The following GPR176 variants were observed in gnomAD, a reference collection of about 807,000 sequenced individuals.
GPR176 encodes the protein G-protein coupled receptor 176.
A neutral mutation model predicts 35.4 loss-of-function variants in GPR176; 26 were observed. That is an observed-to-expected ratio of 0.74 (90% CI 0.54 to 1.02). The LOEUF (loss-of-function observed/expected upper bound fraction) is 1.02. Among genes scored for constraint, GPR176 ranks in the 50% least tolerant of loss-of-function variants. The pLI, the probability that GPR176 is intolerant of heterozygous loss-of-function variation, is 0.00. For missense variants in GPR176, 597 were observed against 665.3 expected, an observed-to-expected ratio of 0.90 and a Z score of 1.13; for synonymous variants, 278 against 271.3, an observed-to-expected ratio of 1.02 and a Z score of -0.24.
chr15:39,888,697 C>T (rs540090988), intron 1 of GPR176, among the ~76,000 whole-genome samples: 3 of 152,320 alleles, frequency 2.0e-5, no homozygotes, highest in African/African-American at 7.2e-5. Flanking sequence ...TGTAAATCAT[C>T]TTTCTCTCCA....
chr15:39,841,490 C>G (rs1436426541), intron 1 of GPR176, among the ~76,000 whole-genome samples: 1 of 152,046 alleles, frequency 6.6e-6, no homozygotes, highest in African/African-American at 2.4e-5. Flanking sequence ...TCCGCAGAGA[C>G]AGACACACAC....
chr15:39,909,805 C>T, intron 1 of GPR176: 1 of 427,664 alleles, frequency 2.3e-6, no homozygotes, highest in East Asian at 1.6e-4. Flanking sequence ...CATGAAATAA[C>T]TAGCTTTTTT....
Position 39,801,157 on chromosome 15 carries a change from C to T in GPR176, c.1523G>A (p.Ser508Asn). ...ERKMSRNNKV[S>N]IFPKVDS The stretch of plus-strand genomic sequence containing the variant: ...CTAGGAATCCACCTTTGGAAAAATG[C>T]TCACTTTATTGTTTCTGCTCATCTT... Residue 508 changes from serine (S) to asparagine (N), a missense_variant, in exon 3 of 3, where the codon AGC becomes AAC. Ser to Asn is a conservative substitution (Grantham distance 46, BLOSUM62 1). This residue lies in a region of GPR176 where 251 missense variants were observed against 255.4 expected (regional missense o/e 0.98). Coordinates refer to ENST00000561100, the MANE Select transcript of GPR176 (RefSeq NM_007223.3). The T allele has an allele frequency of 6.2e-7, 1 of 1,603,846 alleles. No individual in the cohort carries two copies. The highest frequency in any genetic ancestry group is 8.5e-7 in the Non-Finnish European group (1 of 1,173,494).
In GPR176 at chr15:39,837,891, T is replaced by C. The variant is rs147533422; in HGVS notation, c.173-30633A>G. Among the ~76,000 whole-genome samples the C allele has an allele frequency of 5.6e-3, 851 of 151,600 alleles. 6 individuals carry two copies. The highest frequency in any genetic ancestry group is 0.02 in the African/African-American group (819 of 41,352). On this transcript the variant is annotated intron_variant, in intron 1 of 2. Coordinates refer to ENST00000561100, the MANE Select transcript of GPR176 (RefSeq NM_007223.3). ...TGTTCTGGCCAATCATGGTGGCTCA[T>C]GTCTGTAATCCCAGCACTTGGGTGG...
intron 1 of GPR176, among the ~76,000 whole-genome samples, chr15:39,886,913 T>C (rs896181931): frequency 6.6e-6 from 1 of 152,172 alleles, no homozygotes; most frequent in African/African-American, 2.4e-5. Context: ...GCTACCAACC[T>C]TTCCCAGGCT....
chr15:39,834,288 A>T (rs1901264498), intron 1 of GPR176, among the ~76,000 whole-genome samples: 2 of 152,256 alleles, frequency 1.3e-5, no homozygotes, highest in African/African-American at 4.8e-5. Context: ...AATGTGAATT[A>T]AAAATATTAT....
intron 1 of GPR176, among the ~76,000 whole-genome samples, chr15:39,852,663 A>G (rs2030951990): frequency 6.6e-6 from 1 of 152,214 alleles, no homozygotes; most frequent in Non-Finnish European, 1.5e-5. Flanking sequence ...AGTATATACT[A>G]CATCAGACAT....
Position 39,801,330 on chromosome 15 carries a change from G to C in GPR176, c.1350C>G (p.Ser450=), listed in dbSNP as rs538072339. 23 of 1,614,094 alleles carry C rather than the reference G, an allele frequency of 1.4e-5. No homozygotes were observed. The African/African-American group carries it at 2.0e-4, about 14-fold the overall frequency. Residue 450 remains serine (S), a synonymous_variant, in exon 3 of 3, where the codon TCC becomes TCG. Coordinates refer to ENST00000561100, the MANE Select transcript of GPR176 (RefSeq NM_007223.3). ...VEPETFPDKY[S]LQFGFGPFEL... is the part of the protein sequence containing the mutation. Reference sequence around the variant, plus strand: ...CAAAAGGCCCAAAGCCAAACTGCAGGGAATACTTATCAGGGAATGTTTCAG... The same window carrying C: ...CAAAAGGCCCAAAGCCAAACTGCAGCGAATACTTATCAGGGAATGTTTCAG...
chr15:39,891,226 C>T (rs1376837615), intron 1 of GPR176, among the ~76,000 whole-genome samples: 2 of 152,156 alleles, frequency 1.3e-5, no homozygotes, highest in Non-Finnish European at 2.9e-5. Context: ...ATAAATGCCA[C>T]AAACCTGTTT....
At chr15:39,862,814 C>T (rs1381151496) in intron 1 of GPR176, among the ~76,000 whole-genome samples, 1 of 152,060 alleles carries the variant, frequency 6.6e-6, no homozygotes, top group Non-Finnish European at 1.5e-5. Flanking sequence ...GTATTTACCA[C>T]ATTATACTTT....
At chr15:39,852,606 T>C (rs1264406971) in intron 1 of GPR176, among the ~76,000 whole-genome samples, 1 of 152,350 alleles carries the variant, frequency 6.6e-6, no homozygotes, top group East Asian at 1.9e-4. Flanking sequence ...AGCCTTTCTC[T>C]CTTGCCCAAA....
At chr15:39,891,060 T>C (rs570064595) in intron 1 of GPR176, among the ~76,000 whole-genome samples, 13 of 152,150 alleles carry the variant, frequency 8.5e-5, no homozygotes, top group Admixed American at 3.9e-4. Flanking sequence ...ACAATGATGA[T>C]AATAAAGATA....
rs1898784499 is a variant in GPR176, at chr15:39,800,506, A to T, written c.*626T>A. 6.5e-6 allele frequency: 1 copy of T among 152,766 alleles called. No homozygotes were observed. The highest frequency in any genetic ancestry group is 2.1e-4 in the South Asian group (1 of 4,840). The allele number at this position is 152,766 out of a possible 1,614,324, so 9.5% of individuals were successfully genotyped here. On this transcript the variant is annotated 3_prime_UTR_variant, in exon 3 of 3. Transcript: ENST00000561100. ...AAATATCTCCCTTACTCCCGGGCAC[A>T]TCTATCGCCATGTGTACCATAGGTG...
chr15:39,857,694 C>T (rs192087975), intron 1 of GPR176, among the ~76,000 whole-genome samples: 134 of 151,746 alleles, frequency 8.8e-4, no homozygotes, highest in South Asian at 5.0e-3. Context: ...AAGGGCAGGG[C>T]GCGGTGGCTT....
intron 1 of GPR176, among the ~76,000 whole-genome samples, chr15:39,918,859 G>A (rs2033797525): frequency 6.6e-6 from 1 of 152,128 alleles, no homozygotes; most frequent in Non-Finnish European, 1.5e-5. Flanking sequence ...CAGTTATCTT[G>A]GTTTCCATAG....
At chr15:39,838,779 G>A (rs192077029) in intron 1 of GPR176, among the ~76,000 whole-genome samples, 259 of 152,236 alleles carry the variant, frequency 1.7e-3, no homozygotes, top group Non-Finnish European at 3.0e-3. Flanking sequence ...GCACAAAACG[G>A]GGATGCCCTC....
intron 1 of GPR176, among the ~76,000 whole-genome samples, chr15:39,891,504 C>A (rs1046001373): frequency 6.6e-6 from 1 of 152,160 alleles, no homozygotes; most frequent in Admixed American, 6.5e-5. Flanking sequence ...CAGGTACACA[C>A]CATACCTGAC....
intron 1 of GPR176, among the ~76,000 whole-genome samples, chr15:39,885,917 C>A (rs1448526875): frequency 6.6e-6 from 1 of 152,194 alleles, no homozygotes; most frequent in Non-Finnish European, 1.5e-5. Context: ...CACAAGGGAA[C>A]ACTAAACAAT....
chr15:39,871,301 G>T (rs534998849), intron 1 of GPR176, among the ~76,000 whole-genome samples: 16 of 152,214 alleles, frequency 1.1e-4, no homozygotes, highest in East Asian at 3.9e-4. Flanking sequence ...CCAAACTGAG[G>T]TCTAATGGAG....
Sources: gnomAD v4.1 joint callset for allele counts (sites outside exome capture counted in the v4.1 genomes callset) on GRCh38, gnomAD v4.1.1 for gene constraint, gnomAD v4.1.1 regional missense constraint, MANE v1.5 for transcripts, NCBI Gene and HGNC (gene_info 2026-07-23, HGNC 2026-07-21) for gene names.